SPIRE1: variants seen among roughly 807,000 people sequenced by gnomAD.
SPIRE1 encodes protein spire homolog 1.
A neutral mutation model predicts 94.1 loss-of-function variants in SPIRE1; 40 were observed. The ratio of observed to expected loss-of-function variants is 0.43; its 90% CI spans 0.33 to 0.55. SPIRE1 has a LOEUF of 0.55. Ranked by LOEUF, SPIRE1 falls within the 20% of genes least tolerant of loss-of-function variation. SPIRE1 has a pLI of 0.06. For missense variants in SPIRE1, 838 were observed against 975.2 expected, an observed-to-expected ratio of 0.86 and a Z score of 1.87; for synonymous variants, 376 against 371.7, an observed-to-expected ratio of 1.01 and a Z score of -0.13.
At chr18:12,643,853 C>T (rs751361986) in intron 1 of SPIRE1, among the ~76,000 whole-genome samples, 5 of 151,632 alleles carry the variant, frequency 3.3e-5, no homozygotes, top group Non-Finnish European at 5.9e-5. Context: ...GAATACAGTA[C>T]TATTCTTTAA....
intron 2 of SPIRE1, among the ~76,000 whole-genome samples, chr18:12,631,191 A>G (rs897172501): frequency 1.3e-5 from 2 of 151,982 alleles, no homozygotes; most frequent in African/African-American, 4.8e-5. Flanking sequence ...CTCTCTTTAC[A>G]CACTAAAAAA....
At chr18:12,635,000 A>C (rs1167216272) in intron 2 of SPIRE1, 62 bp downstream of exon 2, 2 of 888,688 alleles carry the variant, frequency 2.3e-6, no homozygotes, top group African/African-American at 3.4e-5. Context: ...TTCAGTACTC[A>C]AGTTAGTCTA....
At chr18:12,615,804 C>T (rs1198069834) in intron 2 of SPIRE1, among the ~76,000 whole-genome samples, 1 of 152,050 alleles carries the variant, frequency 6.6e-6, no homozygotes, top group African/African-American at 2.4e-5. Flanking sequence ...TGCTTGATTC[C>T]TAAAATGTTA....
At chr18:12,487,480 C>T (rs1433915586) in intron 8 of SPIRE1, among the ~76,000 whole-genome samples, 1 of 149,554 alleles carries the variant, frequency 6.7e-6, no homozygotes, top group African/African-American at 2.5e-5. Context: ...GCAATCTCGG[C>T]TCACTACAAC....
intron 2 of SPIRE1, among the ~76,000 whole-genome samples, chr18:12,605,460 C>T (rs567213413): frequency 6.6e-6 from 1 of 152,254 alleles, no homozygotes; most frequent in African/African-American, 2.4e-5. Context: ...GAGCTGAGAT[C>T]CCGCCACTGC....
At chr18:12,461,896 G>C (rs1041996900) in intron 12 of SPIRE1, among the ~76,000 whole-genome samples, 13 of 152,186 alleles carry the variant, frequency 8.5e-5, no homozygotes, top group African/African-American at 3.1e-4. Flanking sequence ...GCCTCCCAAA[G>C]TGCTGGGATT....
intron 8 of SPIRE1, among the ~76,000 whole-genome samples, chr18:12,490,085 A>G (rs1163467500): frequency 6.6e-6 from 1 of 152,172 alleles, no homozygotes; most frequent in African/African-American, 2.4e-5. Context: ...CTTACTTTAC[A>G]ATTAGGGTTT....
rs1001862755 is a variant in SPIRE1, at chr18:12,497,312, A to AT, written c.973-1211dup. 1.1e-3 allele frequency among the ~76,000 whole-genome samples: 170 copies of AT among 151,114 alleles called. 1 individual carries two copies. The highest frequency in any genetic ancestry group is 6.2e-3 in the East Asian group (32 of 5,166). On this transcript the variant is annotated intron_variant, in intron 6 of 16. Coordinates refer to ENST00000409402, the MANE Select transcript of SPIRE1 (RefSeq NM_001128626.2). ...GTGTTAAAAACAATTTTTTTTAGAA[A>AT]TTTTTTTTTTAAACCCAGAAAACCA...
At chr18:12,484,128 G>C (rs1158820630) in intron 9 of SPIRE1, among the ~76,000 whole-genome samples, 1 of 152,132 alleles carries the variant, frequency 6.6e-6, no homozygotes, top group Non-Finnish European at 1.5e-5. Flanking sequence ...ATACTGTCAA[G>C]ATCAGCAATG....
intron 2 of SPIRE1, among the ~76,000 whole-genome samples, chr18:12,549,433 ATTG>A (rs371399310): frequency 6.2e-5 from 1 of 16,050 alleles, no homozygotes; most frequent in Non-Finnish European, 1.4e-4. Context: ...TGTTTTTGTT[ATTG>A]TTGTTTTTTT....
chr18:12,622,852 T>C (rs1298082818), intron 2 of SPIRE1, among the ~76,000 whole-genome samples: 1 of 152,234 alleles, frequency 6.6e-6, no homozygotes, highest in Admixed American at 6.5e-5. Context: ...CAAAAACAGC[T>C]AGCTCTTTCA....
At chr18:12,609,121 A>G (rs996005567) in intron 2 of SPIRE1, among the ~76,000 whole-genome samples, 2 of 152,182 alleles carry the variant, frequency 1.3e-5, no homozygotes, top group Non-Finnish European at 2.9e-5. Context: ...TGCCACTGCT[A>G]ATCTGGCAGA....
intron 2 of SPIRE1, among the ~76,000 whole-genome samples, chr18:12,565,901 G>A (rs910004351): frequency 6.6e-5 from 10 of 151,696 alleles, no homozygotes; most frequent in African/African-American, 1.9e-4. Context: ...GGGCATGGTG[G>A]TGCACGCCTG....
rs191298041 is a variant in SPIRE1 at position 12,504,368 on chromosome 18, G to A, written c.972+2109C>T. On this transcript the variant is annotated intron_variant, in intron 6 of 16. Coordinates refer to ENST00000409402, the MANE Select transcript of SPIRE1 (RefSeq NM_001128626.2). ...CTAAAAATACAAAAATTAGCCAGGC[G>A]TGGTGGCATGCGCCTGTAATCCTAG... Among the ~76,000 whole-genome samples the A allele has an allele frequency of 3.4e-5, 4 of 119,030 alleles. 2 individuals carry two copies. Among genetic ancestry groups the A allele is most frequent in the African/African-American group, 1.3e-4 (4 of 29,656 alleles). 78.1% of individuals were successfully genotyped at this position (119,030 alleles called of 152,430 possible).
chr18:12,526,961 C>T (rs938387609), intron 4 of SPIRE1, among the ~76,000 whole-genome samples: 2 of 152,020 alleles, frequency 1.3e-5, no homozygotes, highest in Non-Finnish European at 2.9e-5. Flanking sequence ...ACCCGCCTCA[C>T]CCTCCCAAAG....
intron 2 of SPIRE1, among the ~76,000 whole-genome samples, chr18:12,570,570 T>G (rs1219479109): frequency 6.6e-6 from 1 of 152,210 alleles, no homozygotes; most frequent in East Asian, 1.9e-4. Context: ...TAGGAGTATG[T>G]TTTCCTTTAT....
chr18:12,661,290 A>G (rs2038691277), upstream of SPIRE1: 2 of 786,216 alleles, frequency 2.5e-6, no homozygotes, highest in Non-Finnish European at 1.5e-6. Flanking sequence ...CCTGGGTGAC[A>G]AGAGTGAGCC....
chr18:12,569,163 A>G (rs535665664), intron 2 of SPIRE1, among the ~76,000 whole-genome samples: 2 of 152,110 alleles, frequency 1.3e-5, no homozygotes, highest in Admixed American at 1.3e-4. Context: ...ACACGGTGAA[A>G]CCCTGTCTCT....
chr18:12,514,771 A>C (rs1236543706), intron 4 of SPIRE1, among the ~76,000 whole-genome samples: 1 of 152,206 alleles, frequency 6.6e-6, no homozygotes, highest in Admixed American at 6.5e-5. Context: ...ATAAATCTTC[A>C]ACCCAGGCTC....
Sources: allele counts gnomAD v4.1 joint callset (sites outside exome capture counted in the v4.1 genomes callset), GRCh38; gene constraint gnomAD v4.1.1; transcripts MANE v1.5; gene names NCBI Gene and HGNC (gene_info 2026-07-23, HGNC 2026-07-21).